HNRNPD: variants seen among roughly 807,000 people sequenced by gnomAD.
HNRNPD encodes the protein heterogeneous nuclear ribonucleoprotein D0.
In HNRNPD, 3 loss-of-function variants were observed where a neutral mutation model predicts 47.9. The ratio of observed to expected loss-of-function variants is 0.06; its 90% CI spans 0.03 to 0.16. The LOEUF is 0.16. HNRNPD is among the 10% of genes least tolerant of loss of function. HNRNPD has a pLI of 1.00. For missense variants in HNRNPD, 287 were observed against 454.2 expected, an observed-to-expected ratio of 0.63 and a Z score of 3.35; for synonymous variants, 171 against 165.1, an observed-to-expected ratio of 1.04 and a Z score of -0.28.
At chr4:82,359,370 C>T in intron 3 of HNRNPD, 101 bp downstream of exon 3, 1 of 729,974 alleles carries the variant, frequency 1.4e-6, no homozygotes, top group East Asian at 3.0e-5. Context: ...CCTTCCTATA[C>T]TATCAAAATG....
At chr4:82,355,562 T>G in intron 7 of HNRNPD, 161 bp from the exon 8 acceptor site, 2 of 612,190 alleles carry the variant, frequency 3.3e-6, no homozygotes, top group Non-Finnish European at 2.9e-6. Context: ...TTACCAAATA[T>G]GTAGTGAATG....
intron 2 of HNRNPD, among the ~76,000 whole-genome samples, chr4:82,370,585 C>T (rs962502363): frequency 3.4e-4 from 51 of 152,038 alleles, no homozygotes; most frequent in African/African-American, 1.2e-3. Flanking sequence ...GCTTTTTCTC[C>T]AAGGTAAAGC....
intron 8 of HNRNPD, 57 bp downstream of exon 8, chr4:82,355,247 A>T (rs948038576): frequency 7.6e-6 from 7 of 925,492 alleles, no homozygotes; most frequent in Non-Finnish European, 8.7e-6. Context: ...TATGAACAAT[A>T]TAGATTATAA....
intron 2 of HNRNPD, among the ~76,000 whole-genome samples, chr4:82,369,917 C>T (rs554347448): frequency 1.8e-4 from 28 of 152,162 alleles, no homozygotes; most frequent in Non-Finnish European, 4.0e-4. Flanking sequence ...CCGAGGCAGG[C>T]GGATCACCTG....
Position 82,358,831 on chromosome 4 carries a change from T to A in HNRNPD, c.460-11A>T. 1 of 1,571,124 alleles carries A rather than the reference T, an allele frequency of 6.4e-7. No individual in the cohort carries two copies. The highest frequency in any genetic ancestry group is 2.0e-5 in the Admixed American group (1 of 49,620). On this transcript the variant is annotated splice_polypyrimidine_tract_variant and intron_variant, in intron 3 of 8. Transcript: ENST00000313899. Reference sequence around the variant, plus strand: ...TTTTTGATCCATGACCTAAGGAAATTGAAGTTTTCATTTAAAAAATATATA... The same window carrying A: ...TTTTTGATCCATGACCTAAGGAAATAGAAGTTTTCATTTAAAAAATATATA...
chr4:82,366,733 G>A (rs988898178), intron 2 of HNRNPD, among the ~76,000 whole-genome samples: 2 of 151,834 alleles, frequency 1.3e-5, no homozygotes, highest in East Asian at 1.9e-4. Flanking sequence ...GCTAATTTTT[G>A]TATTTTTAGT....
Position 82,373,708 on chromosome 4 carries a change from GACTACACCCGCCGCTGCCGCGAACCGAA to G in HNRNPD, c.-58_-31del. 5 of 1,482,816 alleles carry G rather than the reference GACTACACCCGCCGCTGCCGCGAACCGAA, an allele frequency of 3.4e-6. No homozygotes were observed. The highest frequency in any genetic ancestry group is 2.1e-5 in the Admixed American group (1 of 47,084). 91.9% of individuals were successfully genotyped at this position (1,482,816 alleles called of 1,614,324 possible). A position where few individuals can be genotyped will look rare whatever the true frequency, so the allele number is the denominator to read the frequency against. On this transcript the variant is annotated 5_prime_UTR_variant, in exon 1 of 9. Coordinates refer to ENST00000313899, the MANE Select transcript of HNRNPD (RefSeq NM_031370.3). ...CTAGTGTCTCCGCCGCTGCCGCCGA[GACTACACCCGCCGCTGCCGCGAACCGAA>G]ACTAGCAGCAAAGTAATCCCCGCCG...
chr4:82,373,352 G>A (rs572316780), intron 1 of HNRNPD, 94 bp downstream of exon 1: 8 of 1,472,714 alleles, frequency 5.4e-6, no homozygotes, highest in Admixed American at 2.4e-5. Context: ...CCCGGAGAAC[G>A]GGCTGAGAGC....
At chr4:82,355,508 C>T in intron 7 of HNRNPD, 107 bp from the exon 8 acceptor site, 1 of 778,402 alleles carries the variant, frequency 1.3e-6, no homozygotes, top group Non-Finnish European at 2.2e-6. Context: ...AGCTTAATTC[C>T]CAAGTGTGAA....
intron 2 of HNRNPD, among the ~76,000 whole-genome samples, chr4:82,359,893 C>T (rs990410676): frequency 6.6e-6 from 1 of 152,038 alleles, no homozygotes; most frequent in South Asian, 2.1e-4. Flanking sequence ...TAAACATATA[C>T]CCAAAGTAAA....
intron 2 of HNRNPD, among the ~76,000 whole-genome samples, chr4:82,362,158 C>G (rs570928613): frequency 6.6e-6 from 1 of 152,330 alleles, no homozygotes; most frequent in African/African-American, 2.4e-5. Context: ...TCAGACATCA[C>G]TATTATGCTG....
intron 7 of HNRNPD, 69 bp downstream of exon 7, chr4:82,356,468 T>A: frequency 1.5e-6 from 2 of 1,330,858 alleles, no homozygotes; most frequent in Non-Finnish European, 2.1e-6. Flanking sequence ...TACACTAACC[T>A]TTCTGCCTAT....
intron 7 of HNRNPD, chr4:82,355,652 G>T: frequency 4.2e-6 from 2 of 476,728 alleles, no homozygotes; most frequent in Non-Finnish European, 7.3e-6. Context: ...CACCCTTACA[G>T]TTTAAAAGTT....
In HNRNPD at chr4:82,373,907, T is replaced by A; in HGVS notation, c.-229A>T. 2.0e-6 allele frequency: 2 copies of A among 1,022,764 alleles called. No homozygotes were observed. Among genetic ancestry groups the A allele is most frequent in the South Asian group, 1.8e-5 (1 of 54,750 alleles). The allele number at this position is 1,022,764 out of a possible 1,614,324, so 63.4% of individuals were successfully genotyped here. A position where few individuals can be genotyped will look rare whatever the true frequency, so the allele number is the denominator to read the frequency against. ...ACACTCCCGCTCTCTCCCGCTGCAC[T>A]AAAAAAGAATAAGCACCAGCGGCGG... is the stretch of plus-strand genomic sequence containing the variant. On this transcript the variant is annotated 5_prime_UTR_variant, in exon 1 of 9. Transcript: ENST00000313899.
rs1407940905 is a variant in HNRNPD, at chr4:82,357,320, A to G, written c.746T>C (p.Leu249Pro). ...AATGGATGCTTAACTTACTTTACTA[A>G]GACCAACATTGTGGTATTTCTTTTC... ...IMEKKYHNVGLSKCEIKVAMS... is the reference protein window; with the variant it reads ...IMEKKYHNVGPSKCEIKVAMS... The change falls in exon 5 of 9, where the codon CTT becomes CCT. Residue 249 changes from leucine to proline, a missense_variant. Leu to Pro is a moderately conservative substitution (Grantham distance 98). Transcript: ENST00000313899. The G allele has an allele frequency of 1.9e-6, 3 of 1,609,182 alleles. No homozygotes were observed. Among genetic ancestry groups the G allele is most frequent in the Non-Finnish European group, 2.5e-6 (3 of 1,178,632 alleles).
chr4:82,355,602 G>A (rs772075954), intron 7 of HNRNPD: 12 of 569,662 alleles, frequency 2.1e-5, no homozygotes, highest in Non-Finnish European at 3.7e-5. Flanking sequence ...AGAATGAGCT[G>A]ATTACTTGAC....
rs763089980 is a variant in HNRNPD, at chr4:82,356,577, G to A, written c.960C>T (p.Tyr320=). The A allele has an allele frequency of 6.2e-7, 1 of 1,610,624 alleles. No individual in the cohort carries two copies. The highest frequency in any genetic ancestry group is 8.5e-7 in the Non-Finnish European group (1 of 1,178,552). Residue 320 remains tyrosine, a synonymous_variant, in exon 7 of 9, where the codon TAC becomes TAT. Coordinates refer to ENST00000313899, the MANE Select transcript of HNRNPD (RefSeq NM_031370.3). ...ATCCATAGTAGTTGTTGTAACCAGTGTAGTCATATCCTCCATAACCACCGT... is the reference window on the plus strand; with the variant it reads ...ATCCATAGTAGTTGTTGTAACCAGTATAGTCATATCCTCCATAACCACCGT... The part of the protein sequence containing the change: ...QGYGGYGGYD[Y]TGYNNYYGYG...
Position 82,367,026 on chromosome 4 carries a change from C to CTTTT in HNRNPD, c.290+4498_290+4501dup, listed in dbSNP as rs34807755. ...CAAACACACCCCCCAACACACTAGC[C>CTTTT]TTTTTTTTTTTTTTTTTTTTAAAGA... is the stretch of plus-strand genomic sequence containing the variant. On this transcript the variant is annotated intron_variant, in intron 2 of 8. Transcript: ENST00000313899. Among the ~76,000 whole-genome samples the CTTTT allele has an allele frequency of 8.5e-3, 1,090 of 128,100 alleles. 20 individuals carry two copies. The highest frequency in any genetic ancestry group is 0.031 in the African/African-American group (993 of 32,234). The allele number at this position is 128,100 out of a possible 152,430, so 84.0% of individuals were successfully genotyped here.
intron 2 of HNRNPD, among the ~76,000 whole-genome samples, chr4:82,365,533 G>A (rs955267661): frequency 6.6e-6 from 1 of 151,576 alleles, no homozygotes; most frequent in Admixed American, 6.6e-5. Flanking sequence ...AACTACCTTG[G>A]GAGAGAGCTT....
Sources: allele counts gnomAD v4.1 joint callset (sites outside exome capture counted in the v4.1 genomes callset), GRCh38; gene constraint gnomAD v4.1.1; transcripts MANE v1.5; gene names NCBI Gene and HGNC (gene_info 2026-07-23, HGNC 2026-07-21).